LRP1B: variants seen among roughly 807,000 people sequenced by gnomAD.
LRP1B encodes the protein LDL receptor related protein 1B.
LRP1B carries 217 observed loss-of-function variants against 556.6 expected under a neutral mutation model. That is an observed-to-expected ratio of 0.39 (90% CI 0.35 to 0.44). The LOEUF is 0.44. LRP1B is among the 20% of genes least tolerant of loss of function. The pLI is 1.00. For missense variants in LRP1B, 5,053 were observed against 5,620.8 expected (o/e 0.90, Z 3.23); for synonymous variants, 2,047 against 1,865.8 (o/e 1.10, Z -2.50).
At chr2:141,295,394 G>A (rs749934851) in intron 3 of LRP1B, among the ~76,000 whole-genome samples, 5 of 151,934 alleles carry the variant, frequency 3.3e-5, no homozygotes, top group Admixed American at 1.3e-4. Flanking sequence ...CTTTCAAACC[G>A]TAAGTCTTCT....
chr2:140,936,141 A>C (rs1192823330), intron 20 of LRP1B, among the ~76,000 whole-genome samples: 2 of 151,650 alleles, frequency 1.3e-5, no homozygotes, highest in African/African-American at 4.8e-5. Context: ...AGGGTTCGAG[A>C]CCAGCCTGAT....
rs147469802 is a variant in LRP1B at position 140,831,974 on chromosome 2, C to T, written c.5209+8017G>A. On this transcript the variant is annotated intron_variant, in intron 31 of 90. Transcript: ENST00000389484. ...CACACAAAACTACAATGGGATATCA[C>T]CTCACCCCAGTTGGAATGGTTATTA... Among the ~76,000 whole-genome samples the T allele has an allele frequency of 4.0e-3, 611 of 152,196 alleles. 2 individuals carry two copies. Among genetic ancestry groups the T allele is most frequent in the African/African-American group, 0.01 (436 of 41,526 alleles).
intron 84 of LRP1B, among the ~76,000 whole-genome samples, chr2:140,285,026 G>GTGTA (rs1553439389): frequency 9.0e-5 from 13 of 144,614 alleles, no homozygotes; most frequent in South Asian, 2.2e-4. Flanking sequence ...GTGTGTGTGT[G>GTGTA]TATATATATA....
chr2:141,203,317 T>C (rs981104257), intron 6 of LRP1B, among the ~76,000 whole-genome samples: 10 of 149,388 alleles, frequency 6.7e-5, no homozygotes, highest in Non-Finnish European at 1.5e-4. Context: ...AAGACACACA[T>C]AGGCTCAAAG....
intron 3 of LRP1B, among the ~76,000 whole-genome samples, chr2:141,477,550 T>C (rs549453374): frequency 1.3e-5 from 2 of 152,310 alleles, no homozygotes; most frequent in South Asian, 4.1e-4. Flanking sequence ...TTTTCACATT[T>C]AAACACAAAC....
intron 66 of LRP1B, among the ~76,000 whole-genome samples, chr2:140,388,249 T>C (rs7609072): frequency 0.088 from 13,359 of 152,114 alleles, 696 homozygotes; most frequent in Middle Eastern, 0.14. Context: ...CTTGTACTAT[T>C]TTTAAATCAT....
chr2:141,641,603 G>C (rs557607815), intron 2 of LRP1B, among the ~76,000 whole-genome samples: 20 of 152,214 alleles, frequency 1.3e-4, no homozygotes, highest in African/African-American at 4.8e-4. Flanking sequence ...ACCAATAGCA[G>C]TTAACTGTCT....
intron 3 of LRP1B, among the ~76,000 whole-genome samples, chr2:141,410,414 A>G (rs930686094): frequency 2.6e-5 from 4 of 152,056 alleles, no homozygotes; most frequent in African/African-American, 9.7e-5. Flanking sequence ...GTGTTTTAAA[A>G]AGATGATATA....
chr2:141,274,746 C>CA (rs943574648), intron 3 of LRP1B, among the ~76,000 whole-genome samples: 2 of 151,946 alleles, frequency 1.3e-5, no homozygotes, highest in African/African-American at 4.8e-5. Context: ...AAATCACATA[C>CA]AAAAAAACTA....
intron 3 of LRP1B, among the ~76,000 whole-genome samples, chr2:141,300,853 GTTTC>G (rs2105429262): frequency 6.6e-6 from 1 of 152,164 alleles, no homozygotes; most frequent in African/African-American, 2.4e-5. Flanking sequence ...AGCTTCAGAT[GTTTC>G]TTTATAGCAG....
chr2:141,488,618 C>T (rs1179583994), intron 2 of LRP1B, among the ~76,000 whole-genome samples: 1 of 151,934 alleles, frequency 6.6e-6, no homozygotes, highest in African/African-American at 2.4e-5. Context: ...GTCACCAAAC[C>T]TGGCTAATTC....
intron 43 of LRP1B, among the ~76,000 whole-genome samples, chr2:140,574,495 G>A (rs1558977358): frequency 6.6e-6 from 1 of 152,076 alleles, no homozygotes; most frequent in Non-Finnish European, 1.5e-5. Flanking sequence ...GTGATTGGAG[G>A]GTGTCAGTGA....
At chr2:141,508,086 C>CACT (rs1553523441) in intron 2 of LRP1B, among the ~76,000 whole-genome samples, 2 of 30,250 alleles carry the variant, frequency 6.6e-5, no homozygotes, top group Admixed American at 4.9e-4. Flanking sequence ...ACTCCATCCC[C>CACT]CCCCCAAAAA....
chr2:141,731,725 G>A (rs922039907), intron 2 of LRP1B, among the ~76,000 whole-genome samples: 1 of 152,224 alleles, frequency 6.6e-6, no homozygotes. Flanking sequence ...TGACCTTGGA[G>A]AAAATTACTT....
intron 21 of LRP1B, among the ~76,000 whole-genome samples, chr2:140,913,392 G>A (rs1465746794): frequency 6.6e-6 from 1 of 151,860 alleles, no homozygotes; most frequent in Non-Finnish European, 1.5e-5. Flanking sequence ...TTTCAAGGAG[G>A]TGGAAAATAT....
At chr2:140,547,722 G>A (rs1680395750) in intron 43 of LRP1B, among the ~76,000 whole-genome samples, 1 of 152,022 alleles carries the variant, frequency 6.6e-6, no homozygotes, top group Non-Finnish European at 1.5e-5. Flanking sequence ...TTAGAATGAA[G>A]AAATGGGCCT....
At chr2:141,647,205 C>T (rs1574190209) in intron 2 of LRP1B, among the ~76,000 whole-genome samples, 1 of 152,146 alleles carries the variant, frequency 6.6e-6, no homozygotes, top group African/African-American at 2.4e-5. Flanking sequence ...TTTCCACATT[C>T]CTTTGCAGCT....
chr2:141,929,556 T>C (rs1700429030), intron 1 of LRP1B, among the ~76,000 whole-genome samples: 1 of 152,076 alleles, frequency 6.6e-6, no homozygotes, highest in African/African-American at 2.4e-5. Flanking sequence ...TTTGTCTGTT[T>C]ACTCTTTCAT....
At chr2:141,680,996 C>T (rs1052945963) in intron 2 of LRP1B, among the ~76,000 whole-genome samples, 1 of 151,956 alleles carries the variant, frequency 6.6e-6, no homozygotes, top group Non-Finnish European at 1.5e-5. Flanking sequence ...CTTTCATAAT[C>T]CTAAAAATAT....
Sources: gnomAD v4.1 joint callset for allele counts (sites outside exome capture counted in the v4.1 genomes callset) on GRCh38, gnomAD v4.1.1 for gene constraint, MANE v1.5 for transcripts, NCBI Gene and HGNC (gene_info 2026-07-23, HGNC 2026-07-21) for gene names.